NADSYN1: variants seen among roughly 807,000 people sequenced by gnomAD.
The protein encoded by NADSYN1 is glutamine-dependent NAD(+) synthetase.
Under a neutral mutation model 99.3 loss-of-function variants are expected in NADSYN1, and 80 were observed. The ratio of observed to expected loss-of-function variants is 0.81; its 90% CI spans 0.67 to 0.97. The LOEUF is 0.97. NADSYN1 is among the 50% of genes least tolerant of loss of function. The probability of loss-of-function intolerance (pLI) is 0.00; values close to 1 mark genes in which losing one functional copy is unlikely to be tolerated. For synonymous variants in NADSYN1, 385 were observed against 372.1 expected, an observed-to-expected ratio of 1.03 and a Z score of -0.40; for missense variants, 859 against 948.5, an observed-to-expected ratio of 0.91 and a Z score of 1.24.
At chr11:71,486,001 C>T (rs983535031) in intron 16 of NADSYN1, among the ~76,000 whole-genome samples, 11 of 152,188 alleles carry the variant, frequency 7.2e-5, no homozygotes, top group Non-Finnish European at 1.2e-4. Context: ...ACCTCCAAAC[C>T]AGAGTTCATT....
chr11:71,473,692 G>T lies in NADSYN1; in HGVS notation c.666+6G>T, dbSNP rs1368433275. 6.2e-7 allele frequency: 1 copy of T among 1,601,602 alleles called. No individual in the cohort carries two copies. The highest frequency in any genetic ancestry group is 8.5e-7 in the Non-Finnish European group (1 of 1,169,714). Reference sequence around the variant, plus strand: ...TGACTATGGTCACCAGCAAGGTAGGGGCTGGGCCAGGGAGCGTGCGCCACA... The same window carrying T: ...TGACTATGGTCACCAGCAAGGTAGGTGCTGGGCCAGGGAGCGTGCGCCACA... On this transcript the variant is annotated splice_donor_region_variant and intron_variant, in intron 8 of 20. Coordinates refer to ENST00000319023, the MANE Select transcript of NADSYN1 (RefSeq NM_018161.5).
At position 71,481,092 on chromosome 11, in the gene NADSYN1, C is replaced by A. The variant is rs184449581; in HGVS notation, c.998+213C>A. 66 of 693,960 alleles carry A rather than the reference C, an allele frequency of 9.5e-5. No individual in the cohort carries two copies. The African/African-American group carries it at 9.7e-4, about 10-fold the overall frequency. The allele number at this position is 693,960 out of a possible 1,614,324, so 43.0% of individuals were successfully genotyped here. A position where few individuals can be genotyped will look rare whatever the true frequency, so the allele number is the denominator to read the frequency against. On this transcript the variant is annotated intron_variant, in intron 11 of 20. Coordinates refer to ENST00000319023, the MANE Select transcript of NADSYN1 (RefSeq NM_018161.5). ...GCCCTGCTGCTTCCCCGTGCTGTGA[C>A]CTTGGGCCCCAAGGTGCTGTCCGTC...
chr11:71,464,401 C>G, intron 5 of NADSYN1: 1 of 406,070 alleles, frequency 2.5e-6, no homozygotes, highest in African/African-American at 2.0e-5. Context: ...CACAATGTCC[C>G]GGGGTTTAAA....
intron 3 of NADSYN1, chr11:71,459,169 G>A (rs757706037): frequency 4.9e-4 from 79 of 162,402 alleles, no homozygotes; most frequent in Admixed American, 9.7e-4. Context: ...ACCCTGCATA[G>A]CCAGTCCCTG....
rs749801544 is a variant in NADSYN1, at chr11:71,469,927, G to GAA, written c.408-2506_408-2505dup. Among the ~76,000 whole-genome samples, 165 of 109,142 alleles carry GAA rather than the reference G, an allele frequency of 1.5e-3. 4 individuals are homozygous for GAA. The highest frequency in any genetic ancestry group is 2.2e-3 in the East Asian group (8 of 3,590). The allele number at this position is 109,142 out of a possible 152,430, so 71.6% of individuals were successfully genotyped here. On this transcript the variant is annotated intron_variant, in intron 5 of 20. Coordinates refer to ENST00000319023, the MANE Select transcript of NADSYN1 (RefSeq NM_018161.5). The stretch of plus-strand genomic sequence containing the variant: ...GAAGACAGAACAAGAGCCTGTCTCA[G>GAA]AAAAAAAAAAAAAAAAAGACGTGTG...
intron 1 of NADSYN1, among the ~76,000 whole-genome samples, chr11:71,454,767 C>G (rs1168465615): frequency 3.3e-5 from 5 of 152,188 alleles, no homozygotes; most frequent in Non-Finnish European, 7.3e-5. Context: ...AATAAACTAC[C>G]AGGGTCTGAC....
At chr11:71,472,209 G>A (rs781625407) in intron 5 of NADSYN1, among the ~76,000 whole-genome samples, 1 of 152,302 alleles carries the variant, frequency 6.6e-6, no homozygotes, top group East Asian at 1.9e-4. Flanking sequence ...GGAAACTGAG[G>A]CAGCCCGAAG....
At chr11:71,500,892 G>A (rs1026293010) in intron 20 of NADSYN1, among the ~76,000 whole-genome samples, 6 of 152,180 alleles carry the variant, frequency 3.9e-5, no homozygotes, top group African/African-American at 1.4e-4. Context: ...CTCGGGTGAT[G>A]GGCCCTGTCA....
chr11:71,500,380 T>A (rs1949849424), intron 20 of NADSYN1, among the ~76,000 whole-genome samples: 1 of 29,528 alleles, frequency 3.4e-5, no homozygotes, highest in Admixed American at 2.0e-4. Context: ...CTGGGACCGT[T>A]GACCCCCCGA....
At chr11:71,498,308 T>C (rs1416077360) in intron 19 of NADSYN1, 44 bp from the exon 20 acceptor site, 3 of 1,608,394 alleles carry the variant, frequency 1.9e-6, no homozygotes, top group Non-Finnish European at 2.5e-6. Flanking sequence ...CTGGGGTCTC[T>C]CCAGTTTTGG....
intron 5 of NADSYN1, among the ~76,000 whole-genome samples, chr11:71,468,997 CTGTG>C (rs534375843): frequency 1.3e-5 from 2 of 152,124 alleles, no homozygotes; most frequent in Non-Finnish European, 2.9e-5. Context: ...TGGAGATTGC[CTGTG>C]TGTGTGAAAA....
intron 2 of NADSYN1, among the ~76,000 whole-genome samples, chr11:71,457,850 C>T (rs1156943124): frequency 1.3e-5 from 2 of 152,194 alleles, no homozygotes; most frequent in African/African-American, 4.8e-5. Flanking sequence ...CTGCAAAAGC[C>T]AGGGTGATCT....
At chr11:71,497,848 C>CT (rs1565608939) in intron 19 of NADSYN1, among the ~76,000 whole-genome samples, 1 of 152,188 alleles carries the variant, frequency 6.6e-6, no homozygotes, top group Non-Finnish European at 1.5e-5. Flanking sequence ...ACAAGCCTCC[C>CT]TTTTTTTGAG....
Position 71,481,356 on chromosome 11 carries a change from C to A in NADSYN1, c.999C>A (p.Ser333Arg), listed in dbSNP as rs1222570547. ...GCTCCATGTTCTGATTGCCCTGCAG[C>A]CTTGGACCTGCCTGCTGGCTCTGGG... ...WKYHSPEEEISLGPACWLWDF... is the reference protein window; with the variant it reads ...WKYHSPEEEIRLGPACWLWDF... The change falls in exon 12 of 21, where the codon AGC (serine) becomes AGA (arginine). Residue 333 changes from serine to arginine, a missense_variant and splice_region_variant. Physicochemically the swap from Ser to Arg is moderately radical, Grantham distance 110. Transcript: ENST00000319023. 4 of 1,613,882 alleles carry A rather than the reference C, an allele frequency of 2.5e-6. No homozygotes were observed. The highest frequency in any genetic ancestry group is 2.7e-5 in the African/African-American group (2 of 74,910).
At chr11:71,457,765 C>T (rs1591120516) in intron 2 of NADSYN1, among the ~76,000 whole-genome samples, 1 of 152,198 alleles carries the variant, frequency 6.6e-6, no homozygotes, top group African/African-American at 2.4e-5. Context: ...CCTCCGTCCT[C>T]ATGTTGCCTC....
Position 71,473,680 on chromosome 11 carries a change from C to A in NADSYN1, c.660C>A (p.Thr220=), listed in dbSNP as rs1309936377. Residue 220 remains threonine, a synonymous_variant, in exon 8 of 21, where the codon ACC becomes ACA. Transcript: ENST00000319023. ...GGGTGGATCTCGTGACTATGGTCAC[C>A]AGCAAGGTAGGGGCTGGGCCAGGGA... ...NTRVDLVTMV[T]SKNGGIYLLA... is the part of the protein sequence containing the mutation. 3.1e-6 allele frequency: 5 copies of A among 1,610,636 alleles called. No individual in the cohort carries two copies. Among genetic ancestry groups the A allele is most frequent in the East Asian group, 2.2e-5 (1 of 44,862 alleles).
Position 71,472,450 on chromosome 11 carries a change from C to T in NADSYN1, c.409C>T (p.His137Tyr), listed in dbSNP as rs776153671. 16 of 1,611,858 alleles carry T rather than the reference C, an allele frequency of 9.9e-6. No homozygotes were observed. The highest frequency in any genetic ancestry group is 1.3e-5 in the African/African-American group (1 of 74,912). ...RWFTPWSRSRHTEEYFLPRMI... is the reference protein window; with the variant it reads ...RWFTPWSRSRYTEEYFLPRMI... ...GCTCCTCGGTGTTTTCCTCTCCAGG[C>T]ACACAGAGGAGTACTTTCTGCCTCG... The change falls in exon 6 of 21, where the codon CAC becomes TAC. Residue 137 changes from histidine (H) to tyrosine (Y), a missense_variant and splice_region_variant. Coordinates refer to ENST00000319023, the MANE Select transcript of NADSYN1 (RefSeq NM_018161.5).
intron 3 of NADSYN1, among the ~76,000 whole-genome samples, chr11:71,460,546 G>A (rs1453319430): frequency 6.6e-6 from 1 of 151,984 alleles, no homozygotes; most frequent in African/African-American, 2.4e-5. Context: ...ATAGAGACAG[G>A]GTCTCGCTAT....
At chr11:71,459,827 GC>G (rs1949539480) in intron 3 of NADSYN1, 1 of 152,320 alleles carries the variant, frequency 6.6e-6, no homozygotes, top group Non-Finnish European at 1.5e-5. Flanking sequence ...GAATTTTAGT[GC>G]CCTGTTCACA....
Sources: allele counts gnomAD v4.1 joint callset (sites outside exome capture counted in the v4.1 genomes callset), GRCh38; gene constraint gnomAD v4.1.1; transcripts MANE v1.5; gene names NCBI Gene and HGNC (gene_info 2026-07-23, HGNC 2026-07-21).